FRMD4A: variants seen among roughly 807,000 people sequenced by gnomAD.
The protein encoded by FRMD4A is FERM domain-containing protein 4A.
FRMD4A carries 29 observed loss-of-function variants against 129.1 expected under a neutral mutation model. That is an observed-to-expected ratio of 0.22 (90% CI 0.17 to 0.31). FRMD4A has a LOEUF of 0.31. Among genes scored for constraint, FRMD4A ranks in the 10% least tolerant of loss-of-function variants. The pLI is 1.00. For synonymous variants in FRMD4A, 634 were observed against 571.6 expected, an observed-to-expected ratio of 1.11 and a Z score of -1.56; for missense variants, 1,272 against 1,375.8, an observed-to-expected ratio of 0.92 and a Z score of 1.19.
At chr10:14,207,363 C>G (rs2131949783) in intron 2 of FRMD4A, among the ~76,000 whole-genome samples, 1 of 152,122 alleles carries the variant, frequency 6.6e-6, no homozygotes, top group Non-Finnish European at 1.5e-5. Flanking sequence ...CACTTAATTT[C>G]TGTTATTATT....
In FRMD4A at chr10:13,931,632, G is replaced by A. The variant is rs565469780; in HGVS notation, c.46-72720C>T. Among the ~76,000 whole-genome samples, 14 of 152,134 alleles carry A rather than the reference G, an allele frequency of 9.2e-5. No homozygotes were observed. The Middle Eastern group carries it at 0.01, about 111-fold the overall frequency. ...GTGGGGTGTAACTGCCTTTTCTTGA[G>A]GGAGTTAAAAAACATGCAATTAAGG... is the stretch of plus-strand genomic sequence containing the variant. On this transcript the variant is annotated intron_variant, in intron 2 of 24. Coordinates refer to ENST00000357447, the MANE Select transcript of FRMD4A (RefSeq NM_018027.5).
intron 2 of FRMD4A, among the ~76,000 whole-genome samples, chr10:13,908,249 C>A (rs12765982): frequency 0.35 from 51,695 of 147,594 alleles, 9,168 homozygotes; most frequent in African/African-American, 0.41. Flanking sequence ...ACTTTATCTT[C>A]TTTGCTTATT....
At chr10:13,893,276 A>G (rs74121771) in intron 2 of FRMD4A, among the ~76,000 whole-genome samples, 1,785 of 152,240 alleles carry the variant, frequency 0.012, 35 homozygotes, top group African/African-American at 0.04. Context: ...TGTTATTTCA[A>G]GCTGACTGGA....
chr10:13,757,480 A>G (rs545153656), intron 8 of FRMD4A, among the ~76,000 whole-genome samples: 1 of 152,356 alleles, frequency 6.6e-6, no homozygotes, highest in South Asian at 2.1e-4. Flanking sequence ...CTAATCATCT[A>G]TCTAGATAAC....
At chr10:14,105,047 C>T (rs145667095) in intron 2 of FRMD4A, among the ~76,000 whole-genome samples, 139 of 152,318 alleles carry the variant, frequency 9.1e-4, no homozygotes, top group South Asian at 4.6e-3. Flanking sequence ...CATCCCAGAT[C>T]CTTACGCGTG....
intron 12 of FRMD4A, among the ~76,000 whole-genome samples, chr10:13,730,465 A>T (rs949068817): frequency 6.6e-6 from 1 of 152,126 alleles, no homozygotes; most frequent in African/African-American, 2.4e-5. Flanking sequence ...CACAGCTGGC[A>T]GTTTTTTCTT....
Position 14,011,769 on chromosome 10 carries a change from G to A in FRMD4A, c.46-152857C>T, listed in dbSNP as rs567407909. 2.0e-5 allele frequency among the ~76,000 whole-genome samples: 3 copies of A among 152,250 alleles called. No individual in the cohort carries two copies. The South Asian group carries it at 6.2e-4, about 32-fold the overall frequency. Reference sequence around the variant, plus strand: ...CATGCCTGTAATCCCAGCACTTTGGGACTCAGAGGTAGGTGGATCACCTGA... The same window carrying A: ...CATGCCTGTAATCCCAGCACTTTGGAACTCAGAGGTAGGTGGATCACCTGA... On this transcript the variant is annotated intron_variant, in intron 2 of 24. Transcript: ENST00000357447.
intron 2 of FRMD4A, among the ~76,000 whole-genome samples, chr10:13,987,310 G>A (rs1565157985): frequency 6.6e-6 from 1 of 152,034 alleles, no homozygotes; most frequent in South Asian, 2.1e-4. Context: ...ATGGAAAATC[G>A]ACTCTTAAGA....
chr10:13,863,220 G>A (rs2094317921), intron 2 of FRMD4A, among the ~76,000 whole-genome samples: 1 of 152,160 alleles, frequency 6.6e-6, no homozygotes, highest in African/African-American at 2.4e-5. Flanking sequence ...ACTCTGACAT[G>A]AAGACTGTGC....
At chr10:13,687,166 G>A (rs2085164509) in intron 15 of FRMD4A, among the ~76,000 whole-genome samples, 1 of 152,128 alleles carries the variant, frequency 6.6e-6, no homozygotes, top group African/African-American at 2.4e-5. Context: ...GTGGTGGTGG[G>A]CAACTGTAGT....
rs1326436090 is a variant in FRMD4A, at chr10:13,952,126, T to C, written c.46-93214A>G. Among the ~76,000 whole-genome samples, 8 of 128,756 alleles carry C rather than the reference T, an allele frequency of 6.2e-5. No individual in the cohort carries two copies. The East Asian group carries it at 2.7e-3, about 44-fold the overall frequency. 84.5% of individuals were successfully genotyped at this position (128,756 alleles called of 152,430 possible). On this transcript the variant is annotated intron_variant, in intron 2 of 24. Transcript: ENST00000357447. Reference sequence around the variant, plus strand: ...AGTATGACTTTCCCCATGATGTATGTTTTTTTTTCTTTTTATACTCTTTTT... The same window carrying C: ...AGTATGACTTTCCCCATGATGTATGCTTTTTTTTCTTTTTATACTCTTTTT...
chr10:13,718,393 C>T (rs75584345), intron 12 of FRMD4A, among the ~76,000 whole-genome samples: 1,786 of 152,360 alleles, frequency 0.012, 77 homozygotes, highest in South Asian at 0.12. Context: ...CCGCTCCAGC[C>T]TGGACTTTCC....
chr10:13,884,144 T>TCACACACTCA (rs773933481), intron 2 of FRMD4A, among the ~76,000 whole-genome samples: 1 of 105,098 alleles, frequency 9.5e-6, no homozygotes, highest in East Asian at 2.8e-4. Flanking sequence ...TCACACACAC[T>TCACACACTCA]CTCACACACT....
intron 2 of FRMD4A, among the ~76,000 whole-genome samples, chr10:14,000,667 A>AAAAAAAAG (rs200369296): frequency 0.21 from 20,706 of 100,724 alleles, 4,880 homozygotes; most frequent in Non-Finnish European, 0.35. Context: ...AAAAAAAAAA[A>AAAAAAAAG]AGAGAAGAAA....
intron 2 of FRMD4A, among the ~76,000 whole-genome samples, chr10:14,049,337 G>C (rs564976738): frequency 6.6e-6 from 1 of 152,142 alleles, no homozygotes; most frequent in Non-Finnish European, 1.5e-5. Flanking sequence ...ATAGAATTTC[G>C]CACTAGGTGG....
intron 2 of FRMD4A, among the ~76,000 whole-genome samples, chr10:14,124,101 G>A (rs2131815451): frequency 6.6e-6 from 1 of 152,268 alleles, no homozygotes; most frequent in African/African-American, 2.4e-5. Context: ...AAATGAAACT[G>A]TCCTGAGCAG....
chr10:13,913,451 T>C (rs2094965068), intron 2 of FRMD4A, among the ~76,000 whole-genome samples: 1 of 152,160 alleles, frequency 6.6e-6, no homozygotes, highest in Non-Finnish European at 1.5e-5. Context: ...TAGATCTCAA[T>C]AATAACAATA....
At chr10:13,751,840 A>C (rs920134670) in intron 8 of FRMD4A, among the ~76,000 whole-genome samples, 1 of 152,044 alleles carries the variant, frequency 6.6e-6, no homozygotes, top group African/African-American at 2.4e-5. Context: ...GCAAGACTCC[A>C]TCTCTTTAAA....
At chr10:13,680,293 C>T (rs900138088) in intron 15 of FRMD4A, among the ~76,000 whole-genome samples, 3 of 151,454 alleles carry the variant, frequency 2.0e-5, no homozygotes, top group Non-Finnish European at 4.4e-5. Context: ...TCTGTCTCTA[C>T]AAAAACAAAA....
Sources: gnomAD v4.1 joint callset for allele counts (sites outside exome capture counted in the v4.1 genomes callset) on GRCh38, gnomAD v4.1.1 for gene constraint, MANE v1.5 for transcripts, NCBI Gene and HGNC (gene_info 2026-07-23, HGNC 2026-07-21) for gene names.